Variants in TEC observed in about 807,000 individuals in gnomAD.
TEC encodes tec protein tyrosine kinase.
Under a neutral mutation model 93.0 loss-of-function variants are expected in TEC, and 72 were observed. That is an observed-to-expected ratio of 0.77 (90% confidence interval 0.64 to 0.94). The LOEUF (loss-of-function observed/expected upper bound fraction) is 0.94. Ranked by LOEUF, TEC falls within the 40% of genes least tolerant of loss-of-function variation. The pLI is 0.00. For synonymous variants in TEC, 249 were observed against 247.7 expected (o/e 1.01, Z -0.05); for missense variants, 630 against 757.9 (o/e 0.83, Z 1.98).
chr4:48,230,593 A>C (rs1723619302), intron 1 of TEC, among the ~76,000 whole-genome samples: 1 of 152,136 alleles, frequency 6.6e-6, no homozygotes, highest in Non-Finnish European at 1.5e-5. Context: ...CTCCCATTGG[A>C]TCAATCTTCA....
At chr4:48,149,730 T>A (rs751987775) in intron 10 of TEC, 40 bp from the exon 11 acceptor site, 1 of 1,561,698 alleles carries the variant, frequency 6.4e-7, no homozygotes, top group Admixed American at 2.0e-5. Context: ...CAAGTTGAAA[T>A]AATAGAACTT....
chr4:48,202,279 T>C (rs1199553209), intron 2 of TEC, among the ~76,000 whole-genome samples: 1 of 152,132 alleles, frequency 6.6e-6, no homozygotes, highest in African/African-American at 2.4e-5. Context: ...AAGAATAGAT[T>C]TTTAGGCCCA....
intron 14 of TEC, among the ~76,000 whole-genome samples, chr4:48,144,321 A>AT (rs1305862222): frequency 2.0e-5 from 3 of 152,220 alleles, no homozygotes; most frequent in African/African-American, 7.2e-5. Flanking sequence ...TCCCAAATGA[A>AT]AATTACACTC....
chr4:48,206,593 T>A (rs928218308), intron 2 of TEC, among the ~76,000 whole-genome samples: 6 of 152,128 alleles, frequency 3.9e-5, no homozygotes, highest in Non-Finnish European at 8.8e-5. Flanking sequence ...AAGTTAAAAA[T>A]ATAGTGAAAT....
chr4:48,247,751 T>C (rs1724098294), intron 1 of TEC, among the ~76,000 whole-genome samples: 1 of 152,202 alleles, frequency 6.6e-6, no homozygotes, highest in East Asian at 1.9e-4. Context: ...CTTTCTGAGA[T>C]AATGGTAATC....
intron 2 of TEC, among the ~76,000 whole-genome samples, chr4:48,201,627 G>T (rs1237833982): frequency 6.6e-6 from 1 of 152,190 alleles, no homozygotes. Context: ...GAAGCAGTAG[G>T]GAGAGAGAGC....
chr4:48,167,802 C>A lies in TEC; in HGVS notation c.647G>T (p.Trp216Leu). ...CCCATATTTATCTCTTGCTCTCCAC[C>A]AATGAACATCATTCTTTTCTAAAAT... Reference protein sequence around the residue: ...YLILEKNDVHWWRARDKYGNE... With the variant: ...YLILEKNDVHLWRARDKYGNE... The change falls in exon 7 of 18, where the codon TGG becomes TTG. Residue 216 changes from tryptophan (W) to leucine (L), a missense_variant. By Grantham distance (61) the Trp-to-Leu change is moderately conservative. Coordinates refer to ENST00000381501, the MANE Select transcript of TEC (RefSeq NM_003215.3). The A allele has an allele frequency of 2.5e-6, 4 of 1,613,806 alleles. No homozygotes were observed. The highest frequency in any genetic ancestry group is 2.2e-5 in the South Asian group (2 of 91,060).
At chr4:48,204,195 A>G (rs1304324218) in intron 2 of TEC, among the ~76,000 whole-genome samples, 2 of 152,178 alleles carry the variant, frequency 1.3e-5, no homozygotes, top group East Asian at 1.9e-4. Context: ...TGAGTGCCAC[A>G]AGGGGTCTTA....
rs541350887 is a variant in TEC, at chr4:48,233,209, C to A, written c.-45-4550G>T. Among the ~76,000 whole-genome samples, 142 of 152,210 alleles carry A rather than the reference C, an allele frequency of 9.3e-4. 2 individuals are homozygous for A. In the South Asian group the frequency reaches 0.028, roughly 30 times the overall value. ...CCCATCTGGCTCCAGGACATCAGGACTGGACTAAGGGAAAAGTCTTGAAGA... is the reference window on the plus strand; with the variant it reads ...CCCATCTGGCTCCAGGACATCAGGAATGGACTAAGGGAAAAGTCTTGAAGA... On this transcript the variant is annotated intron_variant, in intron 1 of 17. Coordinates refer to ENST00000381501, the MANE Select transcript of TEC (RefSeq NM_003215.3).
rs1212883539 is a variant in TEC, at chr4:48,228,537, G to A, written c.78C>T (p.Tyr26=). The change falls in exon 2 of 18, where the codon TAC becomes TAT. Residue 26 remains tyrosine, a synonymous_variant. Transcript: ENST00000381501. ...TTGTAAGTACAAAAAGTCTCTCTTT[G>A]TAGTTTAAGGGCGATGTCTTCTTTT... ...QQKKKTSPLN[Y]KERLFVLTKS... 14 of 1,613,530 alleles carry A rather than the reference G, an allele frequency of 8.7e-6. No homozygotes were observed. The East Asian group carries it at 3.1e-4, about 36-fold the overall frequency.
At chr4:48,215,649 T>C (rs1214445403) in intron 2 of TEC, among the ~76,000 whole-genome samples, 1 of 152,214 alleles carries the variant, frequency 6.6e-6, no homozygotes, top group Non-Finnish European at 1.5e-5. Flanking sequence ...CCCAAATACA[T>C]TTTCAGCTTA....
chr4:48,157,736 G>A (rs1294248200), intron 8 of TEC, among the ~76,000 whole-genome samples: 2 of 152,088 alleles, frequency 1.3e-5, no homozygotes, highest in Admixed American at 6.5e-5. Flanking sequence ...GGCTGGTCTC[G>A]AACTCCTGGC....
intron 1 of TEC, among the ~76,000 whole-genome samples, chr4:48,254,409 G>T (rs547352682): frequency 6.6e-6 from 1 of 152,356 alleles, no homozygotes; most frequent in East Asian, 1.9e-4. Flanking sequence ...GGAAGGCAAT[G>T]CTGTTACTCT....
chr4:48,147,245 T>C (rs1404605444), intron 11 of TEC, among the ~76,000 whole-genome samples: 1 of 152,204 alleles, frequency 6.6e-6, no homozygotes, highest in Non-Finnish European at 1.5e-5. Context: ...AGTTACCATA[T>C]GACGCAGCAT....
intron 2 of TEC, among the ~76,000 whole-genome samples, chr4:48,223,595 T>A (rs1441559492): frequency 6.6e-6 from 1 of 152,184 alleles, no homozygotes; most frequent in Non-Finnish European, 1.5e-5. Context: ...CTTAGCACAG[T>A]GGTTAATTTG....
chr4:48,187,434 T>TAA (rs59244907), intron 2 of TEC, among the ~76,000 whole-genome samples: 6,159 of 134,102 alleles, frequency 0.046, 156 homozygotes, highest in South Asian at 0.065. Context: ...CAATAAATAC[T>TAA]AAAAAAAAAA....
chr4:48,209,455 TAAC>T (rs1211900312), intron 2 of TEC, among the ~76,000 whole-genome samples: 10 of 151,376 alleles, frequency 6.6e-5, no homozygotes, highest in African/African-American at 2.4e-4. Flanking sequence ...AAATTAAAAA[TAAC>T]AAATAATTAG....
chr4:48,165,648 C>A (rs1015381834), intron 7 of TEC, among the ~76,000 whole-genome samples: 1 of 152,152 alleles, frequency 6.6e-6, no homozygotes, highest in Non-Finnish European at 1.5e-5. Context: ...CGCCAGTTCA[C>A]AAGAAATACA....
intron 12 of TEC, 30 bp downstream of exon 12, chr4:48,146,295 T>C: frequency 1.2e-6 from 2 of 1,602,304 alleles, no homozygotes; most frequent in Non-Finnish European, 1.7e-6. Flanking sequence ...CAAGGAAAAT[T>C]AGCTCATGCA....
Sources: gnomAD v4.1 joint callset for allele counts (sites outside exome capture counted in the v4.1 genomes callset) on GRCh38, gnomAD v4.1.1 for gene constraint, MANE v1.5 for transcripts, NCBI Gene and HGNC (gene_info 2026-07-23, HGNC 2026-07-21) for gene names.